Variants in MYBPC3 observed in about 807,000 individuals in gnomAD.
The protein encoded by MYBPC3 is myosin-binding protein C, cardiac-type.
MYBPC3 carries 108 observed loss-of-function variants against 159.3 expected under a neutral mutation model. The observed-to-expected ratio is 0.68, with a 90% confidence interval of 0.58 to 0.80. The LOEUF (loss-of-function observed/expected upper bound fraction) is 0.80. Ranked by LOEUF, MYBPC3 falls within the 30% of genes least tolerant of loss-of-function variation. MYBPC3 has a pLI of 0.00. For synonymous variants in MYBPC3, 730 were observed against 702.0 expected (o/e 1.04, Z -0.63); for missense variants, 1,631 against 1,762.1 (o/e 0.93, Z 1.33).
chr11:47,342,813 G>C lies in MYBPC3; in HGVS notation c.1457+17C>G, dbSNP rs754641725. The C allele has an allele frequency of 1.2e-6, 2 of 1,612,226 alleles. No individual in the cohort carries two copies. Among genetic ancestry groups the C allele is most frequent in the African/African-American group, 2.7e-5 (2 of 74,912 alleles). On this transcript the variant is annotated intron_variant, in intron 16 of 34. Coordinates refer to ENST00000545968, the MANE Select transcript of MYBPC3 (RefSeq NM_000256.3). ...CAGATGCCCCCAACACCCATGCCCC[G>C]TGCTTCTGGAACTCACCATTTGACT...
At chr11:47,335,312 T>C in intron 26 of MYBPC3, 103 bp from the exon 27 acceptor site, 3 of 932,260 alleles carry the variant, frequency 3.2e-6, no homozygotes, top group Non-Finnish European at 4.4e-6. Context: ...TTTAAATATG[T>C]TTTTTTAAAT....
chr11:47,340,105 T>TAC lies in MYBPC3; in HGVS notation c.1928-317_1928-316dup, dbSNP rs531489373. 1.4e-4 allele frequency among the ~76,000 whole-genome samples: 21 copies of TAC among 148,892 alleles called. No homozygotes were observed. In the East Asian group the frequency reaches 2.6e-3, roughly 18 times the overall value. ...GAACATCAGTGTCTTGCCACACACA[T>TAC]ACACACACACACAATACACACACAC... On this transcript the variant is annotated intron_variant, in intron 20 of 34. Coordinates refer to ENST00000545968, the MANE Select transcript of MYBPC3 (RefSeq NM_000256.3).
chr11:47,335,497 T>C, intron 26 of MYBPC3: 1 of 295,456 alleles, frequency 3.4e-6, no homozygotes, highest in East Asian at 6.5e-5. Context: ...CCGGCTAATT[T>C]TGTATTTTTA....
At chr11:47,337,653 G>A in intron 24 of MYBPC3, 37 bp downstream of exon 24, 1 of 1,606,008 alleles carries the variant, frequency 6.2e-7, no homozygotes, top group Non-Finnish European at 8.5e-7. Flanking sequence ...GATCTGTTTG[G>A]CGCCCTCACA....
rs756818187 is a variant in MYBPC3, at chr11:47,331,832, G to C, written c.*26+13C>G. On this transcript the variant is annotated intron_variant, in intron 34 of 34. Coordinates refer to ENST00000545968, the MANE Select transcript of MYBPC3 (RefSeq NM_000256.3). Reference sequence around the variant, plus strand: ...GCCACTGACTTGTGCCCTGGGTGTCGGGTGGTACATACCTGGCCATCCCCA... The same window carrying C: ...GCCACTGACTTGTGCCCTGGGTGTCCGGTGGTACATACCTGGCCATCCCCA... 7 of 1,599,888 alleles carry C rather than the reference G, an allele frequency of 4.4e-6. No homozygotes were observed. In the African/African-American group the frequency reaches 9.4e-5, roughly 21 times the overall value.
intron 27 of MYBPC3, among the ~76,000 whole-genome samples, chr11:47,334,696 G>A (rs1174378692): frequency 1.3e-5 from 2 of 152,120 alleles, no homozygotes; most frequent in Non-Finnish European, 2.9e-5. Context: ...AAGTAGTTGA[G>A]GGACTACAGG....
chr11:47,347,111 C>T (rs1265846805), intron 9 of MYBPC3, 82 bp from the exon 10 acceptor site: 2 of 1,200,432 alleles, frequency 1.7e-6, no homozygotes, highest in Non-Finnish European at 1.2e-6. Flanking sequence ...GTCAGTTGGG[C>T]CGACCTGGTA....
intron 20 of MYBPC3, 101 bp downstream of exon 20, chr11:47,340,902 C>A (rs2697925): frequency 7.5e-7 from 1 of 1,338,396 alleles, no homozygotes; most frequent in Non-Finnish European, 9.9e-7. Context: ...AGGACCCCCA[C>A]TTTTGATCCT....
At chr11:47,350,444 C>G in intron 3 of MYBPC3, 58 bp downstream of exon 3, 1 of 1,531,998 alleles carries the variant, frequency 6.5e-7, no homozygotes, top group Non-Finnish European at 8.8e-7. Flanking sequence ...GCTTTTGAGA[C>G]CTGCCCTGGA....
Position 47,331,715 on chromosome 11 carries a change from A to G in MYBPC3, c.*28T>C. 4.0e-6 allele frequency: 4 copies of G among 990,628 alleles called. No individual in the cohort carries two copies. The highest frequency in any genetic ancestry group is 5.8e-6 in the Non-Finnish European group (4 of 690,922). The allele number at this position is 990,628 out of a possible 1,614,324, so 61.4% of individuals were successfully genotyped here. A position where few individuals can be genotyped will look rare whatever the true frequency, so the allele number is the denominator to read the frequency against. On this transcript the variant is annotated splice_region_variant and 3_prime_UTR_variant, in exon 35 of 35. Coordinates refer to ENST00000545968, the MANE Select transcript of MYBPC3 (RefSeq NM_000256.3). ...TGGCACGGGGCTGGCATCCGGTTGT[A>G]CCTGCAACACAGGTTATCTTACGAG...
chr11:47,337,476 G>A lies in MYBPC3; in HGVS notation c.2517C>T (p.Gly839=), dbSNP rs370561202. The change falls in exon 25 of 35, where the codon GGC becomes GGT. Residue 839 remains glycine (G), a synonymous_variant. Transcript: ENST00000545968. ...LSHEARRMIE[G]VVYEMRVYAV... ...CGTAGACGCGCATCTCGTACACCAC[G>A]CCCTCGATCATGCGCCGCGCTTCAT... The A allele has an allele frequency of 2.4e-5, 39 of 1,613,750 alleles. 1 individual carries two copies. Among genetic ancestry groups the A allele is most frequent in the South Asian group, 1.2e-4 (11 of 91,092 alleles).
chr11:47,351,105 C>G lies in MYBPC3; in HGVS notation c.292+134G>C, dbSNP rs911006800. 1 of 1,196,920 alleles carries G rather than the reference C, an allele frequency of 8.4e-7. No individual in the cohort carries two copies. The highest frequency in any genetic ancestry group is 1.1e-6 in the Non-Finnish European group (1 of 888,092). 74.1% of individuals were successfully genotyped at this position (1,196,920 alleles called of 1,614,324 possible). ...GTGCAGAAAAGGGGGAAAGGGCGTT[C>G]CTGGCGGGGGGCACAGCCACAGCAA... On this transcript the variant is annotated intron_variant, in intron 2 of 34. Transcript: ENST00000545968. This position sits in a 1 kb window ranked among gnomAD's most constrained non-coding sequence, Gnocchi z 4.2.
At chr11:47,352,436 T>C (rs1407611020) in intron 1 of MYBPC3, among the ~76,000 whole-genome samples, 187 bp downstream of exon 1, 2 of 151,912 alleles carry the variant, frequency 1.3e-5, no homozygotes, top group Non-Finnish European at 2.9e-5. Context: ...CCTTCACCTC[T>C]CATCAGAGGG....
intron 21 of MYBPC3, 84 bp downstream of exon 21, chr11:47,339,567 T>C (rs962592060): frequency 2.0e-6 from 3 of 1,485,190 alleles, no homozygotes; most frequent in Non-Finnish European, 1.8e-6. Flanking sequence ...CACATGTGGG[T>C]GGGGTGTGCA....
chr11:47,342,009 T>C lies in MYBPC3; in HGVS notation c.1772A>G (p.Lys591Arg). Residue 591 changes from lysine to arginine, a missense_variant, in exon 18 of 35, where the codon AAG becomes AGG. Coordinates refer to ENST00000545968, the MANE Select transcript of MYBPC3 (RefSeq NM_000256.3). ...GKELVPDSRIKVSHIGRVHKL... is the reference protein window; with the variant it reads ...GKELVPDSRIRVSHIGRVHKL... ...CACTCACCGCCCGATGTGGGACACCTTTATGCGGCTGTCGGGCACCAGCTC... is the reference window on the plus strand; with the variant it reads ...CACTCACCGCCCGATGTGGGACACCCTTATGCGGCTGTCGGGCACCAGCTC... The C allele has an allele frequency of 1.3e-6, 2 of 1,574,776 alleles. No homozygotes were observed. Among genetic ancestry groups the C allele is most frequent in the Non-Finnish European group, 1.7e-6 (2 of 1,159,318 alleles).
At position 47,342,115 on chromosome 11, in the gene MYBPC3, C is replaced by A. The variant is rs2142860299; in HGVS notation, c.1666G>T (p.Val556Leu). The change falls in exon 18 of 35, where the codon GTG becomes TTG. Residue 556 changes from valine (V) to leucine (L), a missense_variant. By Grantham distance (32) the Val-to-Leu change is conservative. Coordinates refer to ENST00000545968, the MANE Select transcript of MYBPC3 (RefSeq NM_000256.3). Reference sequence around the variant, plus strand: ...AACACCGCCTGGTCCTTTGCGCCCACCATCAGGTCTGCGATGCTCTGGTAC... The same window carrying A: ...AACACCGCCTGGTCCTTTGCGCCCAACATCAGGTCTGCGATGCTCTGGTAC... The part of the protein sequence containing the change: ...EVYQSIADLM[V>L]GAKDQAVFKC... The A allele has an allele frequency of 6.2e-7, 1 of 1,614,056 alleles. No homozygotes were observed. The highest frequency in any genetic ancestry group is 8.5e-7 in the Non-Finnish European group (1 of 1,179,894).
rs1555120117 is a variant in MYBPC3 at position 47,332,108 on chromosome 11, C to G, written c.3778G>C (p.Gly1260Arg). ...IYVCRATNLQ[G>R]EARCECRLEV... ...AGGCGGCACTCACACCGTGCCTCGC[C>G]CTGTAAGTTGGTGGCCCTGCAGACA... is the stretch of plus-strand genomic sequence containing the variant. Residue 1260 changes from glycine to arginine, a missense_variant, in exon 33 of 35, where the codon GGC becomes CGC. By Grantham distance (125) the Gly-to-Arg change is moderately radical. Transcript: ENST00000545968. This position sits in a 1 kb window ranked among gnomAD's most constrained non-coding sequence, Gnocchi z 4.2. The G allele has an allele frequency of 1.2e-6, 2 of 1,613,396 alleles. No homozygotes were observed. The highest frequency in any genetic ancestry group is 1.7e-6 in the Non-Finnish European group (2 of 1,179,708).
chr11:47,347,319 A>G, intron 9 of MYBPC3, 107 bp downstream of exon 9: 1 of 1,541,984 alleles, frequency 6.5e-7, no homozygotes, highest in Non-Finnish European at 8.8e-7. Context: ...AAACCAACTC[A>G]GAGAGGTGCA....
rs727504418 is a variant in MYBPC3, at chr11:47,335,943, G to A, written c.2671C>T (p.Arg891Trp). ...VSDTTVSLKW[R>W]PPERVGAGGL... ...CCTGCTCCCACGCGCTCTGGGGGCCGCCACTTGAGGGAGACCGTGGTGTCA... is the reference window on the plus strand; with the variant it reads ...CCTGCTCCCACGCGCTCTGGGGGCCACCACTTGAGGGAGACCGTGGTGTCA... Residue 891 changes from arginine to tryptophan, a missense_variant, in exon 26 of 35, where the codon CGG (arginine) becomes TGG (tryptophan). By Grantham distance (101) the Arg-to-Trp change is moderately radical (BLOSUM62 -3). Coordinates refer to ENST00000545968, the MANE Select transcript of MYBPC3 (RefSeq NM_000256.3). 29 of 1,564,140 alleles carry A rather than the reference G, an allele frequency of 1.9e-5. No individual in the cohort carries two copies. The East Asian group carries it at 3.8e-4, about 20-fold the overall frequency.
Sources: gnomAD v4.1 joint callset for allele counts (sites outside exome capture counted in the v4.1 genomes callset) on GRCh38, gnomAD v4.1.1 for gene constraint, Gnocchi (gnomAD v3.1) non-coding constraint, MANE v1.5 for transcripts, NCBI Gene and HGNC (gene_info 2026-07-23, HGNC 2026-07-21) for gene names.